The following DENND1B variants were observed in gnomAD, a reference collection of about 807,000 sequenced individuals.
The protein encoded by DENND1B is DENN domain containing 1B.
Under a neutral mutation model 90.1 loss-of-function variants are expected in DENND1B, and 59 were observed. That is an observed-to-expected ratio of 0.65 (90% CI 0.53 to 0.81). DENND1B has a LOEUF of 0.81. Among genes scored for constraint, DENND1B ranks in the 40% least tolerant of loss-of-function variants. The pLI is 0.00. For synonymous variants in DENND1B, 337 were observed against 324.6 expected, an observed-to-expected ratio of 1.04 and a Z score of -0.41; for missense variants, 862 against 912.6, an observed-to-expected ratio of 0.94 and a Z score of 0.71.
intron 7 of DENND1B, among the ~76,000 whole-genome samples, chr1:197,651,420 A>C (rs1015828448): frequency 1.3e-5 from 2 of 152,066 alleles, no homozygotes; most frequent in African/African-American, 2.4e-5. Context: ...GTTGTCTGAC[A>C]AACAAAAATT....
intron 3 of DENND1B, among the ~76,000 whole-genome samples, chr1:197,692,213 A>G (rs905114940): frequency 6.6e-6 from 1 of 151,814 alleles, no homozygotes; most frequent in Admixed American, 6.6e-5. Flanking sequence ...CAGTTCTACT[A>G]AACAATTACC....
intron 12 of DENND1B, among the ~76,000 whole-genome samples, chr1:197,608,412 C>T (rs1676881368): frequency 6.6e-6 from 1 of 150,578 alleles, no homozygotes; most frequent in African/African-American, 2.4e-5. Context: ...AGTGATACTA[C>T]TGCAAAAATA....
At position 197,506,192 on chromosome 1, in the gene DENND1B, T is replaced by C. The variant is rs1034720595; in HGVS notation, c.*4268A>G. 3.3e-5 allele frequency: 5 copies of C among 151,484 alleles called. No homozygotes were observed. Among genetic ancestry groups the C allele is most frequent in the African/African-American group, 9.7e-5 (4 of 41,346 alleles). 9.4% of individuals were successfully genotyped at this position (151,484 alleles called of 1,614,324 possible). A position where few individuals can be genotyped will look rare whatever the true frequency, so the allele number is the denominator to read the frequency against. On this transcript the variant is annotated 3_prime_UTR_variant, in exon 23 of 23. Transcript: ENST00000620048. ...TATGAACTAAGTTATGCAAGAAAAA[T>C]TATTGCACGAAATCCTATTTTCAAA...
At chr1:197,638,815 C>T (rs1466755585) in intron 10 of DENND1B, among the ~76,000 whole-genome samples, 1 of 151,934 alleles carries the variant, frequency 6.6e-6, no homozygotes, top group African/African-American at 2.4e-5. Context: ...TACCAGAAAC[C>T]GTTCCATGTG....
rs1342755553 is a variant in DENND1B at position 197,642,464 on chromosome 1, T to C, written c.672+247A>G. 2.0e-5 allele frequency among the ~76,000 whole-genome samples: 3 copies of C among 151,784 alleles called. 1 individual carries two copies. The highest frequency in any genetic ancestry group is 2.0e-4 in the Admixed American group (3 of 15,232). On this transcript the variant is annotated intron_variant, in intron 10 of 22. Coordinates refer to ENST00000620048, the MANE Select transcript of DENND1B (RefSeq NM_001195215.2). ...AGGCACTAAAATGAACTCTGGAGAG[T>C]TAAAAAGAAAAAAAAACTCTCATCT...
chr1:197,754,826 A>G (rs571953227), intron 2 of DENND1B, among the ~76,000 whole-genome samples: 31 of 152,306 alleles, frequency 2.0e-4, no homozygotes, highest in African/African-American at 7.2e-4. Context: ...ATACTCATAT[A>G]GAGATGTGTA....
chr1:197,507,233 A>G lies in DENND1B; in HGVS notation c.*3227T>C, dbSNP rs555083209. On this transcript the variant is annotated 3_prime_UTR_variant, in exon 23 of 23. Transcript: ENST00000620048. ...GCAATTCCTTTTCCTTTGTTCCTTC[A>G]GAGCAGGGACTATGTCAGTTATTTT... is the stretch of plus-strand genomic sequence containing the variant. The G allele has an allele frequency of 1.1e-4, 16 of 149,964 alleles. No individual in the cohort carries two copies. Among genetic ancestry groups the G allele is most frequent in the African/African-American group, 3.4e-4 (14 of 41,022 alleles). 9.3% of individuals were successfully genotyped at this position (149,964 alleles called of 1,614,324 possible).
intron 2 of DENND1B, 112 bp from the exon 3 acceptor site, chr1:197,715,186 A>C: frequency 1.3e-6 from 1 of 741,346 alleles, no homozygotes. Context: ...ACAACATTTA[A>C]ATTTTTCTTT....
At chr1:197,653,570 C>T (rs1193836282) in intron 6 of DENND1B, among the ~76,000 whole-genome samples, 5 of 152,028 alleles carry the variant, frequency 3.3e-5, no homozygotes, top group African/African-American at 4.8e-5. Context: ...AAAAGTACTA[C>T]AATTACAGAT....
chr1:197,565,778 T>G (rs1212044476), intron 15 of DENND1B, among the ~76,000 whole-genome samples: 1 of 150,986 alleles, frequency 6.6e-6, no homozygotes, highest in Non-Finnish European at 1.5e-5. Context: ...CTGAGAATGA[T>G]GGTTTCCAAT....
intron 3 of DENND1B, among the ~76,000 whole-genome samples, chr1:197,705,598 G>C (rs1659447557): frequency 6.8e-6 from 1 of 147,582 alleles, no homozygotes; most frequent in South Asian, 2.1e-4. Flanking sequence ...GCAGTCTTCA[G>C]AACCCCTAAA....
At chr1:197,749,632 C>A (rs187378522) in intron 2 of DENND1B, among the ~76,000 whole-genome samples, 1 of 152,034 alleles carries the variant, frequency 6.6e-6, no homozygotes, top group African/African-American at 2.4e-5. Context: ...ACAATTAATA[C>A]TCCAGGCTAA....
chr1:197,733,451 T>A (rs767088040), intron 2 of DENND1B, among the ~76,000 whole-genome samples: 1 of 152,214 alleles, frequency 6.6e-6, no homozygotes, highest in African/African-American at 2.4e-5. Flanking sequence ...CGGTCAGAGG[T>A]TAAACTGCTA....
intron 2 of DENND1B, among the ~76,000 whole-genome samples, chr1:197,748,360 G>C (rs1206432295): frequency 6.6e-6 from 1 of 152,102 alleles, no homozygotes; most frequent in Non-Finnish European, 1.5e-5. Context: ...TTTTTAAAAA[G>C]AGTTATGCAG....
At chr1:197,552,891 G>A (rs1008782591) in intron 16 of DENND1B, 131 bp downstream of exon 16, 2 of 1,468,820 alleles carry the variant, frequency 1.4e-6, no homozygotes, top group Admixed American at 5.8e-5. Flanking sequence ...GATGAAAAAT[G>A]TATTTAAGAC....
intron 3 of DENND1B, among the ~76,000 whole-genome samples, chr1:197,692,559 A>G (rs1056421273): frequency 2.0e-5 from 3 of 151,830 alleles, no homozygotes; most frequent in African/African-American, 4.8e-5. Context: ...AATTGGAGTT[A>G]TCTGATGTTA....
intron 5 of DENND1B, among the ~76,000 whole-genome samples, chr1:197,666,443 T>C (rs754136324): frequency 6.6e-6 from 1 of 152,226 alleles, no homozygotes; most frequent in Non-Finnish European, 1.5e-5. Flanking sequence ...GTGATTTTTA[T>C]TTTATCTTTT....
At chr1:197,513,973 T>C (rs1668222763) in intron 20 of DENND1B, among the ~76,000 whole-genome samples, 1 of 151,670 alleles carries the variant, frequency 6.6e-6, no homozygotes, top group Non-Finnish European at 1.5e-5. Flanking sequence ...TATTGATATG[T>C]GCATTTTTAC....
intron 2 of DENND1B, among the ~76,000 whole-genome samples, chr1:197,749,941 G>A (rs1007694205): frequency 3.3e-5 from 5 of 152,224 alleles, no homozygotes; most frequent in Admixed American, 3.3e-4. Flanking sequence ...TGGAGCTCCT[G>A]GGCTCAAGGA....
Sources: gnomAD v4.1 joint callset for allele counts (sites outside exome capture counted in the v4.1 genomes callset) on GRCh38, gnomAD v4.1.1 for gene constraint, MANE v1.5 for transcripts, NCBI Gene and HGNC (gene_info 2026-07-23, HGNC 2026-07-21) for gene names.